The following INO80 variants were observed in gnomAD, a reference collection of about 807,000 sequenced individuals.
INO80 encodes INO80 complex ATPase subunit.
INO80 carries 20 observed loss-of-function variants against 203.4 expected under a neutral mutation model. The ratio of observed to expected loss-of-function variants is 0.10; its 90% confidence interval spans 0.07 to 0.14. The LOEUF is 0.14. Ranked by LOEUF, INO80 falls within the 10% of genes least tolerant of loss-of-function variation. INO80 has a pLI of 1.00. For missense variants in INO80, 1,419 were observed against 1,914.4 expected (o/e 0.74, Z 4.83); for synonymous variants, 726 against 685.2 (o/e 1.06, Z -0.93).
At position 41,116,064 on chromosome 15, in the gene INO80, G is replaced by A. The variant is rs987179586; in HGVS notation, c.-135C>T. The A allele has an allele frequency of 2.5e-6, 1 of 396,118 alleles. No individual in the cohort carries two copies. Among genetic ancestry groups the A allele is most frequent in the Non-Finnish European group, 4.5e-6 (1 of 224,440 alleles). 24.5% of individuals were successfully genotyped at this position (396,118 alleles called of 1,614,324 possible). On this transcript the variant is annotated 5_prime_UTR_variant, in exon 1 of 36. Coordinates refer to ENST00000648947, the MANE Select transcript of INO80 (RefSeq NM_017553.3). ...AGGGGGGGGTCGCCCCGCCGACGGT[G>A]GAGCCGCGGTTCGCTCTCTGAGGCC...
intron 6 of INO80, among the ~76,000 whole-genome samples, chr15:41,087,075 C>T (rs2045573894): frequency 6.6e-6 from 1 of 152,018 alleles, no homozygotes; most frequent in Non-Finnish European, 1.5e-5. Flanking sequence ...ATATAGTCTA[C>T]CCTTCCTATC....
chr15:41,002,409 G>A (rs1566906152), intron 28 of INO80, among the ~76,000 whole-genome samples: 1 of 152,128 alleles, frequency 6.6e-6, no homozygotes, highest in Non-Finnish European at 1.5e-5. Flanking sequence ...ATATTTCAGA[G>A]GTAATAAATT....
rs534411190 is a variant in INO80, at chr15:40,994,848, A to G, written c.3570+2681T>C. Reference sequence around the variant, plus strand: ...CATTAAACATTTGTTGAATGAATCAATGAATGAATGAACAAATGAACAAAC... The same window carrying G: ...CATTAAACATTTGTTGAATGAATCAGTGAATGAATGAACAAATGAACAAAC... On this transcript the variant is annotated intron_variant, in intron 29 of 35. Transcript: ENST00000648947. 3.9e-5 allele frequency among the ~76,000 whole-genome samples: 6 copies of G among 152,308 alleles called. No homozygotes were observed. In the South Asian group the frequency reaches 1.2e-3, roughly 32 times the overall value.
At chr15:41,035,111 G>A (rs1259471038) in intron 24 of INO80, among the ~76,000 whole-genome samples, 5 of 152,196 alleles carry the variant, frequency 3.3e-5, no homozygotes, top group Non-Finnish European at 7.3e-5. Context: ...CAAGGATAGA[G>A]TCCAAAATCC....
chr15:41,003,078 C>A (rs973439542), intron 28 of INO80, among the ~76,000 whole-genome samples: 7 of 151,968 alleles, frequency 4.6e-5, no homozygotes, highest in Admixed American at 6.6e-5. Context: ...CAAGATCACG[C>A]CACTGCACTC....
intron 27 of INO80, 71 bp from the exon 28 acceptor site, chr15:41,005,758 A>T (rs994130751): frequency 2.4e-6 from 2 of 825,384 alleles, no homozygotes; most frequent in South Asian, 3.1e-5. Flanking sequence ...ACAGGCATCT[A>T]CCCATCTTCT....
chr15:41,108,432 A>G (rs2045912811), intron 1 of INO80, among the ~76,000 whole-genome samples: 1 of 151,748 alleles, frequency 6.6e-6, no homozygotes. Flanking sequence ...TCTACTAAAA[A>G]ATACAAAAAA....
intron 28 of INO80, among the ~76,000 whole-genome samples, chr15:40,997,998 T>G (rs1347270846): frequency 1.3e-5 from 2 of 150,740 alleles, no homozygotes; most frequent in Non-Finnish European, 2.9e-5. Context: ...GGGACTAATG[T>G]TATTATTCCA....
chr15:41,007,341 C>G (rs2044061668), intron 27 of INO80, among the ~76,000 whole-genome samples: 1 of 151,962 alleles, frequency 6.6e-6, no homozygotes, highest in Non-Finnish European at 1.5e-5. Context: ...TGCCACCACA[C>G]CTGGCTAATT....
chr15:41,078,649 A>T lies in INO80; in HGVS notation c.1131+1052T>A, dbSNP rs542704335. Among the ~76,000 whole-genome samples, 12 of 152,320 alleles carry T rather than the reference A, an allele frequency of 7.9e-5. No individual in the cohort carries two copies. In the East Asian group the frequency reaches 2.1e-3, roughly 27 times the overall value. On this transcript the variant is annotated intron_variant, in intron 9 of 35. Transcript: ENST00000648947. ...CACTTTGACATGAGTTACTACATAT[A>T]CCTGAAAGAAAACATCATCCAAACC...
At chr15:41,085,878 G>A (rs552394237) in intron 6 of INO80, among the ~76,000 whole-genome samples, 11 of 151,990 alleles carry the variant, frequency 7.2e-5, no homozygotes, top group East Asian at 3.9e-4. Flanking sequence ...TTTTTTTTCC[G>A]AGACGGAGCC....
chr15:41,071,232 T>A (rs2045307932), intron 12 of INO80, among the ~76,000 whole-genome samples: 1 of 152,212 alleles, frequency 6.6e-6, no homozygotes, highest in South Asian at 2.1e-4. Flanking sequence ...TTTTATTTTT[T>A]AATAAATCTA....
intron 5 of INO80, among the ~76,000 whole-genome samples, chr15:41,090,080 T>C (rs1281027607): frequency 6.6e-6 from 1 of 152,236 alleles, no homozygotes; most frequent in Non-Finnish European, 1.5e-5. Context: ...ATGCTAATCA[T>C]AGTTCATGAA....
intron 24 of INO80, among the ~76,000 whole-genome samples, chr15:41,037,033 G>A (rs1346747243): frequency 1.3e-5 from 2 of 152,122 alleles, no homozygotes; most frequent in African/African-American, 4.8e-5. Context: ...AACCCGGGAG[G>A]TGGAGGTTAC....
intron 9 of INO80, 93 bp downstream of exon 9, chr15:41,079,608 C>G: frequency 2.0e-6 from 2 of 1,016,956 alleles, no homozygotes; most frequent in Non-Finnish European, 3.0e-6. Context: ...TTGACAGTGT[C>G]ATTGGTTAGA....
chr15:40,985,050 C>T (rs1278778841), intron 32 of INO80, among the ~76,000 whole-genome samples: 1 of 152,118 alleles, frequency 6.6e-6, no homozygotes, highest in Non-Finnish European at 1.5e-5. Context: ...AAGTAATGCC[C>T]ATCTTAGTCA....
At chr15:41,062,113 A>G (rs922708737) in intron 14 of INO80, among the ~76,000 whole-genome samples, 5 of 152,198 alleles carry the variant, frequency 3.3e-5, no homozygotes, top group Non-Finnish European at 7.3e-5. Flanking sequence ...TAAAATATAT[A>G]AGCAATAATA....
intron 5 of INO80, among the ~76,000 whole-genome samples, chr15:41,090,130 A>G (rs1208253806): frequency 6.6e-6 from 1 of 152,254 alleles, no homozygotes; most frequent in East Asian, 1.9e-4. Flanking sequence ...AAATACAACG[A>G]ATATTTGCAA....
chr15:41,087,205 C>A (rs560217610), intron 6 of INO80, among the ~76,000 whole-genome samples: 1 of 151,344 alleles, frequency 6.6e-6, no homozygotes, highest in Non-Finnish European at 1.5e-5. Context: ...ATTCTCTAAA[C>A]AATATAGGAT....
Sources: gnomAD v4.1 joint callset for allele counts (sites outside exome capture counted in the v4.1 genomes callset) on GRCh38, gnomAD v4.1.1 for gene constraint, MANE v1.5 for transcripts, NCBI Gene and HGNC (gene_info 2026-07-23, HGNC 2026-07-21) for gene names.